Variants in PLA2G6 observed in about 807,000 individuals in gnomAD.
The protein encoded by PLA2G6 is 85/88 kDa calcium-independent phospholipase A2.
Under a neutral mutation model 83.8 loss-of-function variants are expected in PLA2G6, and 62 were observed. The ratio of observed to expected loss-of-function variants is 0.74; its 90% CI spans 0.60 to 0.91. The LOEUF is 0.91. Ranked by LOEUF, PLA2G6 falls within the 40% of genes least tolerant of loss-of-function variation. PLA2G6 has a pLI of 0.00. For synonymous variants in PLA2G6, 417 were observed against 449.8 expected, an observed-to-expected ratio of 0.93 and a Z score of 0.92; for missense variants, 944 against 1,102.0, an observed-to-expected ratio of 0.86 and a Z score of 2.03.
chr22:38,133,036 G>A (rs1017695249), intron 6 of PLA2G6, 23 bp from the exon 7 acceptor site: 2 of 1,549,874 alleles, frequency 1.3e-6, no homozygotes, highest in African/African-American at 2.7e-5. Flanking sequence ...GTCAGGCTGA[G>A]TTAGCACAGG....
intron 1 of PLA2G6, among the ~76,000 whole-genome samples, chr22:38,178,610 A>T (rs564071121): frequency 6.6e-6 from 1 of 152,268 alleles, no homozygotes; most frequent in African/African-American, 2.4e-5. Flanking sequence ...CACACCAGTA[A>T]TCCCAGAACT....
intron 1 of PLA2G6, among the ~76,000 whole-genome samples, chr22:38,174,312 G>A (rs889148026): frequency 4.6e-5 from 7 of 152,090 alleles, no homozygotes; most frequent in African/African-American, 1.7e-4. Flanking sequence ...GCAGGAGAAT[G>A]GCGTGAACCC....
chr22:38,153,465 T>C (rs2089655570), intron 2 of PLA2G6, among the ~76,000 whole-genome samples: 1 of 152,024 alleles, frequency 6.6e-6, no homozygotes, highest in Non-Finnish European at 1.5e-5. Flanking sequence ...CATTAAAGTT[T>C]ACTTTTTAAT....
chr22:38,112,937 CCTT>C, intron 15 of PLA2G6: 2 of 422,576 alleles, frequency 4.7e-6, no homozygotes, highest in East Asian at 1.0e-4. Flanking sequence ...GACAAGGTCT[CCTT>C]CTGTTGCTCA....
At chr22:38,160,457 G>A (rs1217225038) in intron 2 of PLA2G6, among the ~76,000 whole-genome samples, 1 of 150,724 alleles carries the variant, frequency 6.6e-6, no homozygotes, top group Non-Finnish European at 1.5e-5. Context: ...TGATATAGTA[G>A]ACAATGGAAT....
intron 2 of PLA2G6, chr22:38,148,554 G>C: frequency 1.4e-6 from 1 of 717,280 alleles, no homozygotes; most frequent in Non-Finnish European, 2.6e-6. Context: ...TTACTGGAGA[G>C]GATGGGCAGA....
chr22:38,113,856 A>G, intron 14 of PLA2G6: 1 of 683,304 alleles, frequency 1.5e-6, no homozygotes, highest in South Asian at 1.5e-5. Context: ...CGGGCATCAC[A>G]TGCCATCTGC....
At chr22:38,173,867 T>C (rs1218063248) in intron 1 of PLA2G6, among the ~76,000 whole-genome samples, 1 of 151,612 alleles carries the variant, frequency 6.6e-6, no homozygotes, top group Admixed American at 6.6e-5. Context: ...CTGGGGAACA[T>C]GGCAAAACCC....
Position 38,117,864 on chromosome 22 carries a change from T to A in PLA2G6, c.1743-1653A>T, listed in dbSNP as rs999583945. Among the ~76,000 whole-genome samples the A allele has an allele frequency of 5.9e-5, 9 of 151,806 alleles. No homozygotes were observed. In the East Asian group the frequency reaches 1.7e-3, roughly 29 times the overall value. On this transcript the variant is annotated intron_variant, in intron 12 of 16. Transcript: ENST00000332509. The stretch of plus-strand genomic sequence containing the variant: ...TGGCCTGGCCAACATGGTGAAACCC[T>A]GTCTCTACTAAAATACAAAAAATTA...
chr22:38,126,817 A>G (rs764188798), intron 9 of PLA2G6: 4 of 354,890 alleles, frequency 1.1e-5, no homozygotes, highest in Non-Finnish European at 2.2e-5. Context: ...CCGATGCTGC[A>G]ATAACCACCT....
At chr22:38,147,280 T>C (rs4820317) in intron 2 of PLA2G6, 55,589 of 160,008 alleles carry the variant, frequency 0.35, 9,981 homozygotes, top group South Asian at 0.43. Context: ...ATAACCATTA[T>C]ATGTCAGTGA....
In PLA2G6 at chr22:38,169,365, G is replaced by A. The variant is rs773477039; in HGVS notation, c.62C>T (p.Pro21Leu). The stretch of plus-strand genomic sequence containing the variant: ...CACAGCCACCTCCTTCACCCGGAAT[G>A]GGTTAGAGAACAAGTTGGTGACGCC... ...FSGVTNLFSNPFRVKEVAVAD... is the reference protein window; with the variant it reads ...FSGVTNLFSNLFRVKEVAVAD... The change falls in exon 2 of 17, where the codon CCA becomes CTA. Residue 21 changes from proline (P) to leucine (L), a missense_variant. Transcript: ENST00000332509. 11 of 1,614,218 alleles carry A rather than the reference G, an allele frequency of 6.8e-6. No homozygotes were observed. Among genetic ancestry groups the A allele is most frequent in the Non-Finnish European group, 8.5e-6 (10 of 1,180,026 alleles).
chr22:38,142,114 C>T (rs3827355), intron 4 of PLA2G6: 9 of 146,718 alleles, frequency 6.1e-5, no homozygotes, highest in Non-Finnish European at 1.3e-4. Context: ...AGCATCACTT[C>T]AACCCAGGAG....
chr22:38,127,538 G>T, intron 9 of PLA2G6: 1 of 963,764 alleles, frequency 1.0e-6, no homozygotes, highest in Non-Finnish European at 1.5e-6. Flanking sequence ...AGGACTAGAA[G>T]CCACAGTCAC....
At chr22:38,168,297 G>A (rs971830127) in intron 2 of PLA2G6, among the ~76,000 whole-genome samples, 2 of 152,192 alleles carry the variant, frequency 1.3e-5, no homozygotes, top group East Asian at 1.9e-4. Flanking sequence ...ATAGGTGAGC[G>A]GAAACAGGGA....
chr22:38,174,649 GA>G (rs2090563568), intron 1 of PLA2G6, among the ~76,000 whole-genome samples: 1 of 152,212 alleles, frequency 6.6e-6, no homozygotes, highest in African/African-American at 2.4e-5. Context: ...GCCAGCGGGG[GA>G]AATGGCGAGA....
At chr22:38,174,316 T>C (rs2090549341) in intron 1 of PLA2G6, among the ~76,000 whole-genome samples, 1 of 151,682 alleles carries the variant, frequency 6.6e-6, no homozygotes, top group Admixed American at 6.6e-5. Context: ...GAGAATGGCG[T>C]GAACCCGGGA....
rs759276503 is a variant in PLA2G6, at chr22:38,143,232, C to T, written c.482G>A (p.Arg161His). The change falls in exon 4 of 17, where the codon CGC (arginine) becomes CAC (histidine). Residue 161 changes from arginine to histidine, a missense_variant. Arg to His is a conservative substitution (Grantham distance 29, BLOSUM62 0). Coordinates refer to ENST00000332509, the MANE Select transcript of PLA2G6 (RefSeq NM_003560.4). Reference sequence around the variant, plus strand: ...CACCAGGATCTCCCCATCACCCTTGCGGCAGGCCAGGTGCAGGGGTGTGCA... The same window carrying T: ...CACCAGGATCTCCCCATCACCCTTGTGGCAGGCCAGGTGCAGGGGTGTGCA... Reference protein sequence around the residue: ...EGCTPLHLACRKGDGEILVEL... With the variant: ...EGCTPLHLACHKGDGEILVEL... 1.9e-6 allele frequency: 3 copies of T among 1,614,124 alleles called. No individual in the cohort carries two copies. Among genetic ancestry groups the T allele is most frequent in the African/African-American group, 1.3e-5 (1 of 75,052 alleles).
intron 1 of PLA2G6, among the ~76,000 whole-genome samples, chr22:38,178,629 C>T (rs997982957): frequency 3.3e-5 from 5 of 152,104 alleles, no homozygotes; most frequent in Non-Finnish European, 5.9e-5. Context: ...CTTTGGGAGG[C>T]CGAGGCGGGT....
Sources: allele counts gnomAD v4.1 joint callset (sites outside exome capture counted in the v4.1 genomes callset), GRCh38; gene constraint gnomAD v4.1.1; transcripts MANE v1.5; gene names NCBI Gene and HGNC (gene_info 2026-07-23, HGNC 2026-07-21).